The following FOXM1 variants were observed in gnomAD, a reference collection of about 807,000 sequenced individuals.
FOXM1 encodes the protein forkhead box protein M1.
Under a neutral mutation model 63.6 loss-of-function variants are expected in FOXM1, and 25 were observed. That is an observed-to-expected ratio of 0.39 (90% CI 0.29 to 0.55). The LOEUF (loss-of-function observed/expected upper bound fraction) is 0.55, where lower values mean the gene tolerates loss of function less well. Among genes scored for constraint, FOXM1 ranks in the 20% least tolerant of loss-of-function variants. FOXM1 has a pLI of 0.60. For synonymous variants in FOXM1, 387 were observed against 376.9 expected, an observed-to-expected ratio of 1.03 and a Z score of -0.31; for missense variants, 879 against 958.7, an observed-to-expected ratio of 0.92 and a Z score of 1.10.
In FOXM1 at chr12:2,863,432, A is replaced by G. The variant is rs947690609; in HGVS notation, c.1266+888T>C. 3.3e-5 allele frequency among the ~76,000 whole-genome samples: 5 copies of G among 152,242 alleles called. No homozygotes were observed. In the East Asian group the frequency reaches 7.7e-4, roughly 24 times the overall value. ...TTGAGACAGGGCCTCACTGTTGCCCAGGCTGGAGTGCAGTGGTGCAAACAG... is the reference window on the plus strand; with the variant it reads ...TTGAGACAGGGCCTCACTGTTGCCCGGGCTGGAGTGCAGTGGTGCAAACAG... On this transcript the variant is annotated intron_variant, in intron 8 of 8. Transcript: ENST00000359843.
intron 8 of FOXM1, chr12:2,861,460 A>C: frequency 3.6e-6 from 2 of 562,854 alleles, no homozygotes; most frequent in South Asian, 5.0e-5. Flanking sequence ...CATTTTAAAA[A>C]ATTAAGAAGA....
At chr12:2,861,522 A>C in intron 8 of FOXM1, 1 of 393,758 alleles carries the variant, frequency 2.5e-6, no homozygotes, top group Non-Finnish European at 4.4e-6. Context: ...AATAATACCA[A>C]TTGCTGGCAA....
At chr12:2,870,776 T>C (rs555666371) in intron 3 of FOXM1, among the ~76,000 whole-genome samples, 7 of 150,994 alleles carry the variant, frequency 4.6e-5, no homozygotes, top group African/African-American at 7.3e-5. Context: ...CTGGCCAACA[T>C]AGTGAAACCC....
chr12:2,860,602 G>A (rs1197310309), intron 8 of FOXM1, among the ~76,000 whole-genome samples: 3 of 152,088 alleles, frequency 2.0e-5, no homozygotes, highest in Admixed American at 6.6e-5. Flanking sequence ...GGCTGGGTGC[G>A]GTGGCTCACG....
chr12:2,865,192 G>A (rs2098120895), intron 6 of FOXM1, among the ~76,000 whole-genome samples, 163 bp downstream of exon 6: 1 of 152,180 alleles, frequency 6.6e-6, no homozygotes, highest in South Asian at 2.1e-4. Flanking sequence ...AAGTGGGTGT[G>A]TGCCTGACCC....
In FOXM1 at chr12:2,858,931, C is replaced by T; in HGVS notation, c.1999G>A (p.Ala667Thr). The T allele has an allele frequency of 6.2e-7, 1 of 1,613,704 alleles. No individual in the cohort carries two copies. ...CTTTGCGGTGATTCAAGGGGGGGAG[C>T]ACTTTGCAAGGGAGTGGTGCTGAGA... ...MDLSTTPLQS[A>T]PPLESPQRLL... Residue 667 changes from alanine (A) to threonine (T), a missense_variant, in exon 9 of 9, where the codon GCT (alanine) becomes ACT (threonine). By Grantham distance (58) the Ala-to-Thr change is moderately conservative. This residue lies in a region of FOXM1 where 486 missense variants were observed against 453.5 expected (regional missense o/e 1.07). Coordinates refer to ENST00000359843, the MANE Select transcript of FOXM1 (RefSeq NM_021953.4).
In FOXM1 at chr12:2,864,717, G is replaced by A. The variant is rs2098120019; in HGVS notation, c.1056C>T (p.Asn352=). 1.2e-6 allele frequency: 2 copies of A among 1,614,098 alleles called. No homozygotes were observed. Among genetic ancestry groups the A allele is most frequent in the Non-Finnish European group, 1.7e-6 (2 of 1,180,052 alleles). Residue 352 remains asparagine (N), a synonymous_variant, in exon 7 of 9, where the codon AAC becomes AAT. Coordinates refer to ENST00000359843, the MANE Select transcript of FOXM1 (RefSeq NM_021953.4). This position sits in a 1 kb window ranked among gnomAD's most constrained non-coding sequence, Gnocchi z 5.1. ...QKRPNPELRR[N]MTIKTELPLG... ...GGGGGAGTTCGGTTTTGATGGTCATGTTCCGGCGGAGCTCTGGATTCGGTC... is the reference window on the plus strand; with the variant it reads ...GGGGGAGTTCGGTTTTGATGGTCATATTCCGGCGGAGCTCTGGATTCGGTC...
Position 2,864,491 on chromosome 12 carries a change from C to A in FOXM1, c.1095G>T (p.Arg365=). 6.2e-7 allele frequency: 1 copy of A among 1,611,642 alleles called. No homozygotes were observed. Residue 365 remains arginine (R), a synonymous_variant, in exon 8 of 9, where the codon CGG becomes CGT. Transcript: ENST00000359843. This position sits in a 1 kb window ranked among gnomAD's most constrained non-coding sequence, Gnocchi z 5.1. The stretch of plus-strand genomic sequence containing the variant: ...CCCGTGGTAGCAGTGGCTTCATCTT[C>A]CGCCCTAGGAGGAAACACGAGAGAT... The part of the protein sequence containing the change: ...IKTELPLGAR[R]KMKPLLPRVS...
rs1373819956 is a variant in FOXM1, at chr12:2,859,677, A to C, written c.1267-14T>G. Reference sequence around the variant, plus strand: ...AGCTAGCAGCACCTGAAAGGGAAACAGAGATAAGGTGAACCAACGGTCACC... The same window carrying C: ...AGCTAGCAGCACCTGAAAGGGAAACCGAGATAAGGTGAACCAACGGTCACC... On this transcript the variant is annotated splice_polypyrimidine_tract_variant and intron_variant, in intron 8 of 8. Transcript: ENST00000359843. 6.3e-7 allele frequency: 1 copy of C among 1,588,846 alleles called. No individual in the cohort carries two copies.
At position 2,862,710 on chromosome 12, in the gene FOXM1, T is replaced by TTTA. The variant is rs1218495509; in HGVS notation, c.1266+1609_1266+1610insTAA. ...AATGCCTGGCTAATTAAAAAAAAAT[T>TTTA]TTTTTTTTTTTGTTACAGACAGGGT... On this transcript the variant is annotated intron_variant, in intron 8 of 8. Coordinates refer to ENST00000359843, the MANE Select transcript of FOXM1 (RefSeq NM_021953.4). Among the ~76,000 whole-genome samples the TTTA allele has an allele frequency of 3.3e-5, 5 of 150,420 alleles. No homozygotes were observed. The East Asian group carries it at 9.7e-4, about 29-fold the overall frequency.
chr12:2,874,016 G>A lies in FOXM1; in HGVS notation c.463C>T (p.Pro155Ser), dbSNP rs370033515. Residue 155 changes from proline (P) to serine (S), a missense_variant, in exon 2 of 9, where the codon CCA becomes TCA. This residue lies in a region of FOXM1 where 255 missense variants were observed against 292.4 expected (regional missense o/e 0.87). Transcript: ENST00000359843. The surrounding 1 kb of genome is among the most constrained non-coding windows in gnomAD (Gnocchi z 4.3). ...PAARDVNLPR[P>S]PGALCEQKRE... is the part of the protein sequence containing the mutation. ...TTCTGCTCGCAAAGGGCTCCAGGTG[G>A]TCTAGGAAGATTCACATCCCTAGCT... 12 of 1,614,068 alleles carry A rather than the reference G, an allele frequency of 7.4e-6. No homozygotes were observed. The highest frequency in any genetic ancestry group is 1.0e-5 in the Non-Finnish European group (12 of 1,179,996).
chr12:2,861,835 T>C (rs11062389), intron 8 of FOXM1, among the ~76,000 whole-genome samples: 55,813 of 152,022 alleles, frequency 0.37, 10,495 homozygotes, highest in East Asian at 0.47. Flanking sequence ...AATAATGAAT[T>C]AGGACTATGC....
In FOXM1 at chr12:2,870,957, CAAAAAAAAAAAAAAA is replaced by C. The variant is rs11310343; in HGVS notation, c.654+1124_654+1138del. Among the ~76,000 whole-genome samples, 17 of 39,130 alleles carry C rather than the reference CAAAAAAAAAAAAAAA, an allele frequency of 4.3e-4. No homozygotes were observed. In the Admixed American group the frequency reaches 5.8e-3, roughly 13 times the overall value. The allele number at this position is 39,130 out of a possible 152,430, so 25.7% of individuals were successfully genotyped here. A position where few individuals can be genotyped will look rare whatever the true frequency, so the allele number is the denominator to read the frequency against. On this transcript the variant is annotated intron_variant, in intron 3 of 8. Transcript: ENST00000359843. ...TAGGAGACAGAGAAAGACTACGTCT[CAAAAAAAAAAAAAAA>C]AAAAAAAAAAGCAGGAGCTAAACAT...
rs557454552 is a variant in FOXM1 at position 2,857,992 on chromosome 12, A to G, written c.*646T>C. On this transcript the variant is annotated 3_prime_UTR_variant, in exon 9 of 9. Transcript: ENST00000359843. Reference sequence around the variant, plus strand: ...TGACCCAATACAAAAGACTTTTTTAACCAGGATTTCTTCTTGCAGGAAAGC... The same window carrying G: ...TGACCCAATACAAAAGACTTTTTTAGCCAGGATTTCTTCTTGCAGGAAAGC... 1 of 152,842 alleles carries G rather than the reference A, an allele frequency of 6.5e-6. No individual in the cohort carries two copies. The highest frequency in any genetic ancestry group is 2.1e-4 in the South Asian group (1 of 4,828). The allele number at this position is 152,842 out of a possible 1,614,324, so 9.5% of individuals were successfully genotyped here.
chr12:2,868,513 G>C (rs1373352434), intron 4 of FOXM1, 50 bp downstream of exon 4: 2 of 1,437,658 alleles, frequency 1.4e-6, no homozygotes, highest in Non-Finnish European at 1.9e-6. Flanking sequence ...GCACTGGAGA[G>C]ACTGTCAGGC....
At chr12:2,876,826 C>T (rs1241022564) in intron 1 of FOXM1, 94 bp downstream of exon 1, 1 of 152,836 alleles carries the variant, frequency 6.5e-6, no homozygotes, top group Non-Finnish European at 1.5e-5. Flanking sequence ...GGCCCGTGCC[C>T]TGCTGCTAGA....
At chr12:2,868,853 G>A in intron 3 of FOXM1, 99 bp from the exon 4 acceptor site, 1 of 919,700 alleles carries the variant, frequency 1.1e-6, no homozygotes. Context: ...TATCCCATAG[G>A]ACGGTCTAGA....
chr12:2,869,385 C>G (rs2098128910), intron 3 of FOXM1, among the ~76,000 whole-genome samples: 1 of 152,028 alleles, frequency 6.6e-6, no homozygotes, highest in Non-Finnish European at 1.5e-5. Context: ...ATCCTCCTGT[C>G]TCAGCCTCCA....
intron 5 of FOXM1, 33 bp downstream of exon 5, chr12:2,866,360 T>G (rs199517222): frequency 5.0e-6 from 7 of 1,413,744 alleles, no homozygotes; most frequent in Non-Finnish European, 6.5e-6. Context: ...ACCTCCAACT[T>G]AGGCCCTATT....
Sources: gnomAD v4.1 joint callset for allele counts (sites outside exome capture counted in the v4.1 genomes callset) on GRCh38, gnomAD v4.1.1 for gene constraint, gnomAD v4.1.1 regional missense constraint, Gnocchi (gnomAD v3.1) non-coding constraint, MANE v1.5 for transcripts, NCBI Gene and HGNC (gene_info 2026-07-23, HGNC 2026-07-21) for gene names.